The following IMPA2 variants were observed in gnomAD, a reference collection of about 807,000 sequenced individuals.
The protein encoded by IMPA2 is IMP 2.
In IMPA2, 32 loss-of-function variants were observed where a neutral mutation model predicts 35.1. The ratio of observed to expected loss-of-function variants is 0.91; its 90% CI spans 0.69 to 1.23. The LOEUF is 1.23. Ranked by LOEUF, IMPA2 falls within the 50% of genes most tolerant of loss-of-function variation. The pLI, the probability that IMPA2 is intolerant of heterozygous loss-of-function variation, is 0.00. For missense variants in IMPA2, 334 were observed against 387.6 expected, an observed-to-expected ratio of 0.86 and a Z score of 1.16; for synonymous variants, 135 against 160.6, an observed-to-expected ratio of 0.84 and a Z score of 1.20.
intron 5 of IMPA2, among the ~76,000 whole-genome samples, chr18:12,026,739 A>G (rs1356979788): frequency 1.3e-5 from 2 of 152,130 alleles, no homozygotes; most frequent in Non-Finnish European, 2.9e-5. Context: ...TGGATTAGGG[A>G]GCACCTGGAA....
At chr18:12,022,528 A>AATATATATATATAT (rs202132842) in intron 5 of IMPA2, among the ~76,000 whole-genome samples, 19 of 96,814 alleles carry the variant, frequency 2.0e-4, no homozygotes, top group African/African-American at 8.2e-4. Flanking sequence ...TCTCAAAAAG[A>AATATATATATATAT]ATATATATAT....
In IMPA2 at chr18:12,030,783, C is replaced by T. The variant is rs1327595075; in HGVS notation, c.*325C>T. ...TGATTTTTCCCCCCAGAATATAAAT[C>T]TCAGGTAATAAGGCTTTAGAACTGC... On this transcript the variant is annotated 3_prime_UTR_variant, in exon 8 of 8. Transcript: ENST00000269159. The T allele has an allele frequency of 6.8e-6, 2 of 293,254 alleles. No individual in the cohort carries two copies. Among genetic ancestry groups the T allele is most frequent in the Non-Finnish European group, 1.3e-5 (2 of 154,248 alleles). The allele number at this position is 293,254 out of a possible 1,614,324, so 18.2% of individuals were successfully genotyped here.
intron 2 of IMPA2, among the ~76,000 whole-genome samples, chr18:12,001,972 C>T (rs663401): frequency 0.41 from 63,046 of 152,102 alleles, 15,084 homozygotes; most frequent in East Asian, 0.64. Context: ...TGTGTGGACA[C>T]GGTGAAAGCA....
At chr18:12,002,647 C>T (rs775510643) in intron 2 of IMPA2, among the ~76,000 whole-genome samples, 5 of 151,338 alleles carry the variant, frequency 3.3e-5, no homozygotes, top group African/African-American at 9.7e-5. Flanking sequence ...TGCTGGTGCA[C>T]GCTTATGCTC....
chr18:11,996,856 A>G (rs1344471278), intron 1 of IMPA2, among the ~76,000 whole-genome samples: 8 of 151,508 alleles, frequency 5.3e-5, no homozygotes, highest in Admixed American at 5.3e-4. Flanking sequence ...CACCACACCA[A>G]CACACACACA....
chr18:12,014,911 A>G (rs1907536472), intron 5 of IMPA2, among the ~76,000 whole-genome samples: 1 of 152,156 alleles, frequency 6.6e-6, no homozygotes, highest in Admixed American at 6.6e-5. Context: ...AGGGTCATCC[A>G]GTGGCTCTGA....
At chr18:12,012,495 G>T in intron 4 of IMPA2, 1 of 490,360 alleles carries the variant, frequency 2.0e-6, no homozygotes, top group East Asian at 3.1e-5. Flanking sequence ...GGAAGCGGAA[G>T]TCTTAAGTGA....
chr18:11,989,185 AT>A (rs1222479972), intron 1 of IMPA2, among the ~76,000 whole-genome samples: 2 of 152,054 alleles, frequency 1.3e-5, no homozygotes, highest in Non-Finnish European at 2.9e-5. Context: ...TCAGGCTCCC[AT>A]TTTCCTCCTT....
chr18:11,993,134 A>G (rs112618171), intron 1 of IMPA2, among the ~76,000 whole-genome samples: 8 of 152,194 alleles, frequency 5.3e-5, no homozygotes, highest in African/African-American at 1.9e-4. Context: ...CTTTTCATAC[A>G]ATACCTCATG....
chr18:12,019,525 C>T (rs1380596385), intron 5 of IMPA2, among the ~76,000 whole-genome samples: 1 of 151,586 alleles, frequency 6.6e-6, no homozygotes, highest in African/African-American at 2.4e-5. Flanking sequence ...ACCTCAGCCT[C>T]CCAAAGTTCT....
intron 5 of IMPA2, among the ~76,000 whole-genome samples, chr18:12,020,191 G>T (rs1209118610): frequency 1.1e-3 from 163 of 148,444 alleles, no homozygotes; most frequent in African/African-American, 4.2e-3. Flanking sequence ...TTGATTGATT[G>T]ATTGATTGAT....
chr18:12,020,689 A>G (rs1056617993), intron 5 of IMPA2, among the ~76,000 whole-genome samples: 3 of 151,532 alleles, frequency 2.0e-5, no homozygotes, highest in Non-Finnish European at 4.4e-5. Context: ...TTCACCCTCA[A>G]TTTCCTGCAA....
intron 3 of IMPA2, among the ~76,000 whole-genome samples, chr18:12,011,238 A>G (rs892757486): frequency 6.6e-6 from 1 of 152,304 alleles, no homozygotes; most frequent in Admixed American, 6.5e-5. Context: ...CAATTTCAGA[A>G]CAGTCTCCAG....
rs1177900676 is a variant in IMPA2, at chr18:12,028,048, T to C, written c.496T>C (p.Ser166Pro). ...RLRVSGETDL[S>P]KALVLTEIGP... The stretch of plus-strand genomic sequence containing the variant: ...GGAAATTCTTTTTATTGCAGATCTC[T>C]CAAAGGCCTTGGTTCTGACAGAAAT... The change falls in exon 6 of 8, where the codon TCA becomes CCA. Residue 166 changes from serine (S) to proline (P), a missense_variant. Transcript: ENST00000269159. The C allele has an allele frequency of 1.9e-6, 3 of 1,611,552 alleles. No homozygotes were observed. The highest frequency in any genetic ancestry group is 2.2e-5 in the South Asian group (2 of 91,022).
intron 1 of IMPA2, among the ~76,000 whole-genome samples, chr18:11,990,161 G>A (rs1249689599): frequency 6.6e-6 from 1 of 152,184 alleles, no homozygotes; most frequent in African/African-American, 2.4e-5. Flanking sequence ...TCCCAGCTCT[G>A]CCCTAGCCTG....
At chr18:12,028,308 C>T (rs111917671) in intron 6 of IMPA2, 157 bp downstream of exon 6, 9 of 609,604 alleles carry the variant, frequency 1.5e-5, no homozygotes, top group Admixed American at 5.7e-5. Flanking sequence ...GTGAGGGGCC[C>T]GCCTGCAGTA....
At chr18:11,994,585 A>G (rs1906907371) in intron 1 of IMPA2, among the ~76,000 whole-genome samples, 1 of 152,232 alleles carries the variant, frequency 6.6e-6, no homozygotes. Flanking sequence ...GAGTGTATAA[A>G]TACCAGTGAG....
rs376074134 is a variant in IMPA2, at chr18:12,030,529, T to TGGCCCACGC, written c.*72_*80dup. On this transcript the variant is annotated 3_prime_UTR_variant, in exon 8 of 8. Coordinates refer to ENST00000269159, the MANE Select transcript of IMPA2 (RefSeq NM_014214.3). ...TGGGCTCCTGGGGAGGTGGCCCTCG[T>TGGCCCACGC]GGCCCACGCTCCATGCCAGTGGCTC... is the stretch of plus-strand genomic sequence containing the variant. 497 of 1,213,432 alleles carry TGGCCCACGC rather than the reference T, an allele frequency of 4.1e-4. 2 individuals carry two copies. In the African/African-American group the frequency reaches 6.2e-3, roughly 15 times the overall value. 75.2% of individuals were successfully genotyped at this position (1,213,432 alleles called of 1,614,324 possible). A position where few individuals can be genotyped will look rare whatever the true frequency, so the allele number is the denominator to read the frequency against.
At chr18:12,029,304 CGG>C (rs1361164790) in intron 7 of IMPA2, among the ~76,000 whole-genome samples, 1 of 151,328 alleles carries the variant, frequency 6.6e-6, no homozygotes, top group Non-Finnish European at 1.5e-5. Context: ...TTATTAGAGA[CGG>C]GGTTTCATGG....
Sources: gnomAD v4.1 joint callset for allele counts (sites outside exome capture counted in the v4.1 genomes callset) on GRCh38, gnomAD v4.1.1 for gene constraint, MANE v1.5 for transcripts, NCBI Gene and HGNC (gene_info 2026-07-23, HGNC 2026-07-21) for gene names.